Variants in HERPUD2 observed in about 807,000 individuals in gnomAD.
HERPUD2 encodes homocysteine-responsive endoplasmic reticulum-resident ubiquitin-like domain member 2 protein.
HERPUD2 carries 13 observed loss-of-function variants against 49.9 expected under a neutral mutation model. The ratio of observed to expected loss-of-function variants is 0.26; its 90% CI spans 0.17 to 0.41. The LOEUF (loss-of-function observed/expected upper bound fraction) is 0.41, where lower values mean the gene tolerates loss of function less well. HERPUD2 is among the 10% of genes least tolerant of loss of function. HERPUD2 has a pLI of 1.00. For missense variants in HERPUD2, 449 were observed against 492.2 expected, an observed-to-expected ratio of 0.91 and a Z score of 0.83; for synonymous variants, 172 against 171.4, an observed-to-expected ratio of 1.00 and a Z score of -0.03.
At chr7:35,673,653 G>A (rs905552894) in intron 2 of HERPUD2, among the ~76,000 whole-genome samples, 4 of 152,018 alleles carry the variant, frequency 2.6e-5, no homozygotes, top group African/African-American at 4.8e-5. Context: ...TATATTAATC[G>A]TCAACAGTAG....
intron 5 of HERPUD2, among the ~76,000 whole-genome samples, chr7:35,650,603 A>C (rs1326647456): frequency 6.6e-6 from 1 of 152,138 alleles, no homozygotes; most frequent in Non-Finnish European, 1.5e-5. Context: ...TCCCCTGTGC[A>C]TGAGGGATAA....
chr7:35,655,844 A>G (rs1785264662), intron 5 of HERPUD2, among the ~76,000 whole-genome samples: 1 of 152,218 alleles, frequency 6.6e-6, no homozygotes, highest in Non-Finnish European at 1.5e-5. Context: ...TAACATTTTT[A>G]CACACCAAAA....
Position 35,667,518 on chromosome 7 carries a change from G to T in HERPUD2, c.410C>A (p.Ser137Tyr), listed in dbSNP as rs759056775. 1.2e-6 allele frequency: 2 copies of T among 1,613,728 alleles called. No individual in the cohort carries two copies. The highest frequency in any genetic ancestry group is 1.7e-6 in the Non-Finnish European group (2 of 1,179,822). ...GGTACGCTGCCTCAATCCTTCTGAG[G>T]AAGAACCCACAGCTAAAGACAAGGT... ...QETLSLAVGS[S>Y]SEGLRQRTLP... is the part of the protein sequence containing the mutation. The change falls in exon 5 of 9, where the codon TCC becomes TAC. Residue 137 changes from serine (S) to tyrosine (Y), a missense_variant. Transcript: ENST00000311350.
intron 5 of HERPUD2, among the ~76,000 whole-genome samples, chr7:35,648,284 G>A (rs117397249): frequency 0.019 from 2,919 of 152,200 alleles, 34 homozygotes; most frequent in Non-Finnish European, 0.03. Flanking sequence ...AATATTTCAC[G>A]GGAATAAAAC....
At chr7:35,640,561 CTAA>C (rs1784953531) in intron 5 of HERPUD2, among the ~76,000 whole-genome samples, 1 of 152,132 alleles carries the variant, frequency 6.6e-6, no homozygotes, top group African/African-American at 2.4e-5. Flanking sequence ...CCCTTTTTCC[CTAA>C]TAAGTTAGAA....
Position 35,667,488 on chromosome 7 carries a change from G to C in HERPUD2, c.440C>G (p.Pro147Arg). ...CTGTGCTTGGTCAGTTTGTGCTTGTGGAAGGGTACGCTGCCTCAATCCTTC... is the reference window on the plus strand; with the variant it reads ...CTGTGCTTGGTCAGTTTGTGCTTGTCGAAGGGTACGCTGCCTCAATCCTTC... Reference protein sequence around the residue: ...SSEGLRQRTLPQAQTDQAQSH... With the variant: ...SSEGLRQRTLRQAQTDQAQSH... Residue 147 changes from proline to arginine, a missense_variant, in exon 5 of 9, where the codon CCA (proline) becomes CGA (arginine). Pro to Arg is a moderately radical substitution (Grantham distance 103). Coordinates refer to ENST00000311350, the MANE Select transcript of HERPUD2 (RefSeq NM_022373.5). The C allele has an allele frequency of 6.2e-7, 1 of 1,613,974 alleles. No homozygotes were observed. The highest frequency in any genetic ancestry group is 1.1e-5 in the South Asian group (1 of 91,072).
intron 3 of HERPUD2, among the ~76,000 whole-genome samples, chr7:35,671,713 A>G (rs1785648331): frequency 6.6e-6 from 1 of 152,078 alleles, no homozygotes; most frequent in Non-Finnish European, 1.5e-5. Context: ...ACATAAATGT[A>G]TTACTCAAAA....
At chr7:35,654,427 C>T (rs1398335468) in intron 5 of HERPUD2, among the ~76,000 whole-genome samples, 3 of 151,782 alleles carry the variant, frequency 2.0e-5, no homozygotes, top group South Asian at 4.1e-4. Context: ...CAACTACACA[C>T]TAATACATCA....
intron 4 of HERPUD2, among the ~76,000 whole-genome samples, chr7:35,668,282 C>A (rs541440966): frequency 9.2e-5 from 14 of 152,098 alleles, no homozygotes; most frequent in Admixed American, 4.6e-4. Context: ...AAATGAACTA[C>A]GAGAATCAAG....
intron 4 of HERPUD2, among the ~76,000 whole-genome samples, chr7:35,668,040 A>G (rs1437615464): frequency 6.6e-6 from 1 of 150,804 alleles, no homozygotes; most frequent in East Asian, 1.9e-4. Flanking sequence ...GCTATTGTTA[A>G]CATATTGATT....
intron 5 of HERPUD2, among the ~76,000 whole-genome samples, chr7:35,647,236 G>A (rs574751907): frequency 1.3e-5 from 2 of 152,068 alleles, no homozygotes; most frequent in African/African-American, 4.8e-5. Flanking sequence ...AAGACTCTGC[G>A]ATTGCTTTAT....
intron 2 of HERPUD2, among the ~76,000 whole-genome samples, chr7:35,693,853 G>C (rs1348709938): frequency 6.6e-6 from 1 of 152,158 alleles, no homozygotes; most frequent in African/African-American, 2.4e-5. Context: ...GGTAAGGCTG[G>C]TCTCGAACTC....
intron 2 of HERPUD2, among the ~76,000 whole-genome samples, chr7:35,692,627 C>T (rs1000167416): frequency 1.2e-4 from 18 of 152,198 alleles, no homozygotes; most frequent in Non-Finnish European, 1.9e-4. Flanking sequence ...AGTTTAAGTA[C>T]TTAAATTCCT....
intron 2 of HERPUD2, among the ~76,000 whole-genome samples, chr7:35,689,279 C>T (rs1786131496): frequency 1.3e-5 from 2 of 152,090 alleles, no homozygotes; most frequent in South Asian, 2.1e-4. Context: ...CTTTCACATT[C>T]GATAGTACCC....
At chr7:35,657,694 G>A (rs1448608500) in intron 5 of HERPUD2, among the ~76,000 whole-genome samples, 1 of 150,866 alleles carries the variant, frequency 6.6e-6, no homozygotes, top group East Asian at 1.9e-4. Flanking sequence ...CGGATCACAA[G>A]GTCAGGAGAT....
Position 35,673,231 on chromosome 7 carries a change from A to G in HERPUD2, c.195T>C (p.Asp65=). The G allele has an allele frequency of 6.2e-7, 1 of 1,612,302 alleles. No individual in the cohort carries two copies. Among genetic ancestry groups the G allele is most frequent in the Non-Finnish European group, 8.5e-7 (1 of 1,179,098 alleles). The part of the protein sequence containing the change: ...RLVYSGRLLP[D]HLQLKDILRK... ...TGAGAATGTCTTTCAGCTGCAGATG[A>G]TCGGGAAGCAGTCTGCCCGAATACA... Residue 65 remains aspartate, a synonymous_variant, in exon 3 of 9, where the codon GAT becomes GAC. Coordinates refer to ENST00000311350, the MANE Select transcript of HERPUD2 (RefSeq NM_022373.5).
At chr7:35,682,165 A>G (rs986345449) in intron 2 of HERPUD2, among the ~76,000 whole-genome samples, 1 of 151,378 alleles carries the variant, frequency 6.6e-6, no homozygotes, top group African/African-American at 2.4e-5. Context: ...CAGCCTCCTG[A>G]GTAGCTGGGA....
chr7:35,663,070 T>A (rs889029290), intron 5 of HERPUD2, among the ~76,000 whole-genome samples: 5 of 152,222 alleles, frequency 3.3e-5, no homozygotes, highest in Non-Finnish European at 7.3e-5. Context: ...GTATGTTGTG[T>A]CTTTGTTCTC....
chr7:35,690,298 T>C (rs1216138112), intron 2 of HERPUD2, among the ~76,000 whole-genome samples: 1 of 152,222 alleles, frequency 6.6e-6, no homozygotes, highest in Non-Finnish European at 1.5e-5. Context: ...ATCAATATCA[T>C]TCAAAGTTAA....
Sources: gnomAD v4.1 joint callset for allele counts (sites outside exome capture counted in the v4.1 genomes callset) on GRCh38, gnomAD v4.1.1 for gene constraint, MANE v1.5 for transcripts, NCBI Gene and HGNC (gene_info 2026-07-23, HGNC 2026-07-21) for gene names.